Variants in RAB27A observed in about 807,000 individuals in gnomAD.
RAB27A encodes RAB27A, member RAS oncogene family.
In RAB27A, 17 loss-of-function variants were observed where a neutral mutation model predicts 20.8. The observed-to-expected ratio is 0.82, with a 90% CI of 0.56 to 1.23. RAB27A has a LOEUF of 1.23. Among genes scored for constraint, RAB27A ranks in the 50% most tolerant of loss-of-function variants. The pLI, the probability that RAB27A is intolerant of heterozygous loss-of-function variation, is 0.00. For missense variants in RAB27A, 277 were observed against 266.7 expected, an observed-to-expected ratio of 1.04 and a Z score of -0.27; for synonymous variants, 85 against 92.8, an observed-to-expected ratio of 0.92 and a Z score of 0.48.
At chr15:55,316,363 G>A (rs2055043924) in intron 1 of RAB27A, among the ~76,000 whole-genome samples, 1 of 144,982 alleles carries the variant, frequency 6.9e-6, no homozygotes, top group Admixed American at 7.1e-5. Flanking sequence ...ACTCATAAGT[G>A]AGAGCTGAAC....
At chr15:55,297,638 T>C (rs570611449) in intron 2 of RAB27A, among the ~76,000 whole-genome samples, 23 of 152,312 alleles carry the variant, frequency 1.5e-4, no homozygotes, top group African/African-American at 5.5e-4. Context: ...CCATTTGCAT[T>C]GACTGGAACA....
intron 2 of RAB27A, among the ~76,000 whole-genome samples, chr15:55,261,998 T>A (rs556155428): frequency 6.6e-6 from 1 of 150,994 alleles, no homozygotes; most frequent in African/African-American, 2.4e-5. Flanking sequence ...AATGGCACAA[T>A]TGCACTCTGG....
At chr15:55,305,702 T>G (rs1156976029) in intron 2 of RAB27A, among the ~76,000 whole-genome samples, 1 of 152,194 alleles carries the variant, frequency 6.6e-6, no homozygotes, top group Non-Finnish European at 1.5e-5. Flanking sequence ...AATAAACAGA[T>G]TCCCCCTCTT....
intron 2 of RAB27A, among the ~76,000 whole-genome samples, chr15:55,256,094 G>C (rs1172450546): frequency 1.3e-5 from 2 of 152,156 alleles, no homozygotes; most frequent in African/African-American, 4.8e-5. Context: ...TGTTTTACAA[G>C]TCAAGTAGAG....
At chr15:55,240,068 C>G (rs996907701) in intron 2 of RAB27A, among the ~76,000 whole-genome samples, 2 of 152,164 alleles carry the variant, frequency 1.3e-5, no homozygotes, top group Admixed American at 1.3e-4. Flanking sequence ...AATGTTAAGT[C>G]TCAATTGATG....
chr15:55,259,234 CT>C (rs1215388249), intron 2 of RAB27A, among the ~76,000 whole-genome samples: 1 of 151,644 alleles, frequency 6.6e-6, no homozygotes, highest in Non-Finnish European at 1.5e-5. Context: ...TTTAGTGGCT[CT>C]TAATCTTAAA....
chr15:55,277,694 C>A (rs1287907744), intron 1 of RAB27A, among the ~76,000 whole-genome samples: 1 of 152,048 alleles, frequency 6.6e-6, no homozygotes, highest in African/African-American at 2.4e-5. Flanking sequence ...AAAATGGGCA[C>A]CAAAAAATGT....
chr15:55,237,034 A>G (rs1037133662), intron 2 of RAB27A, among the ~76,000 whole-genome samples: 2 of 152,126 alleles, frequency 1.3e-5, no homozygotes, highest in African/African-American at 4.8e-5. Flanking sequence ...GAAAATCATA[A>G]AAACAACTAG....
chr15:55,316,593 A>C (rs965640658), intron 1 of RAB27A, among the ~76,000 whole-genome samples: 1 of 152,086 alleles, frequency 6.6e-6, no homozygotes, highest in Admixed American at 6.6e-5. Flanking sequence ...CTTAAAAAAA[A>C]AAAGGAGAAA....
intron 2 of RAB27A, among the ~76,000 whole-genome samples, chr15:55,252,860 C>T (rs1243338552): frequency 1.3e-5 from 2 of 151,788 alleles, no homozygotes; most frequent in Non-Finnish European, 1.5e-5. Context: ...CCTGGCCGGG[C>T]GCGGTGGCTC....
At chr15:55,313,329 A>G (rs1026045570) in intron 2 of RAB27A, among the ~76,000 whole-genome samples, 1 of 152,188 alleles carries the variant, frequency 6.6e-6, no homozygotes, top group African/African-American at 2.4e-5. Context: ...ACGTGAGCCC[A>G]GGAGTTCAAG....
intron 2 of RAB27A, among the ~76,000 whole-genome samples, chr15:55,241,987 C>T (rs1419546129): frequency 6.6e-6 from 1 of 151,978 alleles, no homozygotes; most frequent in Non-Finnish European, 1.5e-5. Flanking sequence ...AGTTCTATTT[C>T]TCCCTCTCTC....
intron 1 of RAB27A, among the ~76,000 whole-genome samples, chr15:55,286,368 C>A (rs1312786395): frequency 6.6e-6 from 1 of 152,078 alleles, no homozygotes; most frequent in Non-Finnish European, 1.5e-5. Context: ...CAGTGAAAGA[C>A]AAATGTTGTG....
At chr15:55,249,771 A>G (rs1258454069) in intron 2 of RAB27A, among the ~76,000 whole-genome samples, 1 of 152,152 alleles carries the variant, frequency 6.6e-6, no homozygotes, top group Non-Finnish European at 1.5e-5. Context: ...GATCATATTC[A>G]TTTTTAGAAA....
intron 3 of RAB27A, among the ~76,000 whole-genome samples, chr15:55,231,104 G>T (rs1896015035): frequency 6.6e-6 from 1 of 152,138 alleles, no homozygotes; most frequent in Admixed American, 6.6e-5. Context: ...ATTCACTGAG[G>T]ATAATGGTCC....
In RAB27A at chr15:55,234,843, T is replaced by C. The variant is rs150782434; in HGVS notation, c.92A>G (p.Asp31Gly). 3 of 1,611,270 alleles carry C rather than the reference T, an allele frequency of 1.9e-6. No homozygotes were observed. Among genetic ancestry groups the C allele is most frequent in the African/African-American group, 1.3e-5 (1 of 74,802 alleles). ...GKTSVLYQYT[D>G]GKFNSKFITT... ...GATAAATTTGGAGTTAAATTTACCA[T>C]CTGTATATTGGTAAAGTACACTGGT... The change falls in exon 3 of 7, where the codon GAT becomes GGT. Residue 31 changes from aspartate to glycine, a missense_variant. Transcript: ENST00000336787.
At chr15:55,272,221 AC>A (rs1424967881) in intron 1 of RAB27A, among the ~76,000 whole-genome samples, 1 of 152,072 alleles carries the variant, frequency 6.6e-6, no homozygotes, top group Non-Finnish European at 1.5e-5. Flanking sequence ...ACACGGTGAA[AC>A]CCCGTCTCTA....
intron 2 of RAB27A, among the ~76,000 whole-genome samples, chr15:55,264,211 C>T (rs986705112): frequency 5.3e-5 from 8 of 152,192 alleles, no homozygotes; most frequent in East Asian, 1.9e-4. Context: ...CCACCACATC[C>T]GGTTAATTTT....
At chr15:55,217,182 C>A (rs1895344908) in intron 6 of RAB27A, among the ~76,000 whole-genome samples, 1 of 152,046 alleles carries the variant, frequency 6.6e-6, no homozygotes, top group African/African-American at 2.4e-5. Context: ...TTTAAAAATC[C>A]TTAGACTAAT....
Sources: gnomAD v4.1 joint callset for allele counts (sites outside exome capture counted in the v4.1 genomes callset) on GRCh38, gnomAD v4.1.1 for gene constraint, MANE v1.5 for transcripts, NCBI Gene and HGNC (gene_info 2026-07-23, HGNC 2026-07-21) for gene names.